ME1: variants seen among roughly 807,000 people sequenced by gnomAD.
ME1 encodes NADP-dependent malic enzyme.
ME1 carries 74 observed loss-of-function variants against 66.4 expected under a neutral mutation model. That is an observed-to-expected ratio of 1.11 (90% CI 0.92 to 1.35). ME1 has a LOEUF of 1.35. Among genes scored for constraint, ME1 ranks in the 40% most tolerant of loss-of-function variants. ME1 has a pLI of 0.00. For synonymous variants in ME1, 251 were observed against 235.6 expected, an observed-to-expected ratio of 1.07 and a Z score of -0.60; for missense variants, 750 against 694.1, an observed-to-expected ratio of 1.08 and a Z score of -0.90.
At chr6:83,243,996 C>T (rs1338801700) in intron 7 of ME1, among the ~76,000 whole-genome samples, 2 of 150,340 alleles carry the variant, frequency 1.3e-5, no homozygotes, top group African/African-American at 4.9e-5. Flanking sequence ...ACTTGAGGCT[C>T]ATTTTCTGGA....
At chr6:83,304,135 C>T (rs1177651139) in intron 6 of ME1, among the ~76,000 whole-genome samples, 2 of 152,096 alleles carry the variant, frequency 1.3e-5, no homozygotes, top group African/African-American at 4.8e-5. Context: ...GTACTATTAG[C>T]ATTTTACCCC....
chr6:83,420,305 T>C (rs944215395), intron 1 of ME1, among the ~76,000 whole-genome samples: 1 of 152,156 alleles, frequency 6.6e-6, no homozygotes, highest in African/African-American at 2.4e-5. Context: ...TGACCTGAAG[T>C]GATCCGCCTG....
At chr6:83,411,435 A>G (rs987074266) in intron 1 of ME1, among the ~76,000 whole-genome samples, 1 of 152,196 alleles carries the variant, frequency 6.6e-6, no homozygotes, top group Non-Finnish European at 1.5e-5. Flanking sequence ...TTAAAAGAAC[A>G]TCAACAAATA....
rs1345499840 is a variant in ME1, at chr6:83,414,428, A to C, written c.79-6527T>G. 2.6e-5 allele frequency among the ~76,000 whole-genome samples: 4 copies of C among 152,234 alleles called. No homozygotes were observed. The East Asian group carries it at 7.7e-4, about 29-fold the overall frequency. Reference sequence around the variant, plus strand: ...TCATATCTGATATAAAGTAATTTTAACCTGTTAATGATTATAACAATATAT... The same window carrying C: ...TCATATCTGATATAAAGTAATTTTACCCTGTTAATGATTATAACAATATAT... On this transcript the variant is annotated intron_variant, in intron 1 of 13. Transcript: ENST00000369705.
At chr6:83,292,018 G>A (rs759743785) in intron 6 of ME1, among the ~76,000 whole-genome samples, 4 of 151,962 alleles carry the variant, frequency 2.6e-5, no homozygotes, top group Non-Finnish European at 5.9e-5. Flanking sequence ...TTAGCCATTC[G>A]TGTAATATTT....
chr6:83,314,062 G>A (rs1767979870), intron 6 of ME1, among the ~76,000 whole-genome samples: 1 of 152,090 alleles, frequency 6.6e-6, no homozygotes, highest in Admixed American at 6.6e-5. Context: ...GAAAAACCAA[G>A]GCAACATATG....
At chr6:83,264,578 A>G (rs1766954376) in intron 6 of ME1, among the ~76,000 whole-genome samples, 1 of 152,232 alleles carries the variant, frequency 6.6e-6, no homozygotes, top group East Asian at 1.9e-4. Context: ...AGGTCAAAAC[A>G]TCAACATTAA....
At chr6:83,259,861 A>G (rs540658577) in intron 6 of ME1, among the ~76,000 whole-genome samples, 1 of 152,270 alleles carries the variant, frequency 6.6e-6, no homozygotes, top group South Asian at 2.1e-4. Context: ...GAAATGATGA[A>G]GATTCAGCCA....
At chr6:83,322,050 C>G (rs1216450562) in intron 5 of ME1, among the ~76,000 whole-genome samples, 1 of 152,202 alleles carries the variant, frequency 6.6e-6, no homozygotes, top group Admixed American at 6.5e-5. Context: ...AGCAGACCTG[C>G]AGAAGAGGGG....
chr6:83,332,263 T>G (rs1265502227), intron 5 of ME1, among the ~76,000 whole-genome samples: 1 of 152,124 alleles, frequency 6.6e-6, no homozygotes, highest in East Asian at 1.9e-4. Flanking sequence ...ACAATAGATG[T>G]TGGCACCATG....
chr6:83,424,382 C>T (rs532241785), intron 1 of ME1, among the ~76,000 whole-genome samples: 1 of 151,626 alleles, frequency 6.6e-6, no homozygotes, highest in East Asian at 1.9e-4. Context: ...CAGAATAAAT[C>T]AAAATGGAAT....
chr6:83,431,025 G>T lies in ME1; in HGVS notation c.-71C>A, dbSNP rs958067094. 8.9e-6 allele frequency: 9 copies of T among 1,011,132 alleles called. No individual in the cohort carries two copies. The highest frequency in any genetic ancestry group is 5.5e-4 in the Middle Eastern group (2 of 3,624). 62.6% of individuals were successfully genotyped at this position (1,011,132 alleles called of 1,614,324 possible). ...ACGCGCGGTGCAGGCGGCGGATGCTGCTGGGGTGACGGTGCTGACTGCAGC... is the reference window on the plus strand; with the variant it reads ...ACGCGCGGTGCAGGCGGCGGATGCTTCTGGGGTGACGGTGCTGACTGCAGC... On this transcript the variant is annotated 5_prime_UTR_variant, in exon 1 of 14. Coordinates refer to ENST00000369705, the MANE Select transcript of ME1 (RefSeq NM_002395.6).
intron 2 of ME1, among the ~76,000 whole-genome samples, chr6:83,401,915 T>C (rs1474763955): frequency 6.6e-6 from 1 of 152,218 alleles, no homozygotes; most frequent in Non-Finnish European, 1.5e-5. Flanking sequence ...AACTTTTTTT[T>C]CTGGCATAGA....
At chr6:83,423,537 A>G (rs11962163) in intron 1 of ME1, among the ~76,000 whole-genome samples, 6,595 of 152,196 alleles carry the variant, frequency 0.043, 477 homozygotes, top group African/African-American at 0.15. Flanking sequence ...AGTGGCTCAA[A>G]TCTGTAATCC....
intron 12 of ME1, among the ~76,000 whole-genome samples, chr6:83,217,004 C>A (rs1790006145): frequency 1.3e-5 from 2 of 152,184 alleles, no homozygotes; most frequent in African/African-American, 4.8e-5. Flanking sequence ...CCATTACTCC[C>A]AGCTCTGAGT....
rs1375635504 is a variant in ME1 at position 83,211,807 on chromosome 6, GT to G, written c.*116del. On this transcript the variant is annotated 3_prime_UTR_variant, in exon 14 of 14. Transcript: ENST00000369705. ...ATATTCTTCTATCAATTTTTAGACT[GT>G]TAAAGTAAAATCTTAATCTAAGTGT... 1 of 665,026 alleles carries G rather than the reference GT, an allele frequency of 1.5e-6. No homozygotes were observed. Among genetic ancestry groups the G allele is most frequent in the Non-Finnish European group, 2.2e-6 (1 of 449,070 alleles). The allele number at this position is 665,026 out of a possible 1,614,324, so 41.2% of individuals were successfully genotyped here. A position where few individuals can be genotyped will look rare whatever the true frequency, so the allele number is the denominator to read the frequency against.
At chr6:83,391,170 T>G (rs1020201007) in intron 3 of ME1, among the ~76,000 whole-genome samples, 9 of 152,092 alleles carry the variant, frequency 5.9e-5, no homozygotes, top group Non-Finnish European at 1.3e-4. Context: ...AATTCAAAAG[T>G]ATGGATAAGA....
In ME1 at chr6:83,356,165, T is replaced by C. The variant is rs1040598909; in HGVS notation, c.363-4026A>G. On this transcript the variant is annotated intron_variant, in intron 3 of 13. Transcript: ENST00000369705. ...ACTTTCTACTGTAATCAAACTTGTA[T>C]TTCATTTTGGAGATAAGTTTATGAC... Among the ~76,000 whole-genome samples the C allele has an allele frequency of 1.1e-4, 16 of 152,268 alleles. No homozygotes were observed. In the East Asian group the frequency reaches 1.7e-3, roughly 17 times the overall value.
intron 6 of ME1, among the ~76,000 whole-genome samples, chr6:83,270,294 TTTTC>T (rs1219706602): frequency 2.0e-5 from 3 of 152,122 alleles, no homozygotes; most frequent in Non-Finnish European, 4.4e-5. Flanking sequence ...TCTTCATTCC[TTTTC>T]TTTTTGAAGT....
Sources: allele counts gnomAD v4.1 joint callset (sites outside exome capture counted in the v4.1 genomes callset), GRCh38; gene constraint gnomAD v4.1.1; transcripts MANE v1.5; gene names NCBI Gene and HGNC (gene_info 2026-07-23, HGNC 2026-07-21).